The following WDR26 variants were observed in gnomAD, a reference collection of about 807,000 sequenced individuals.
The protein encoded by WDR26 is WD repeat-containing protein 26.
In WDR26, 5 loss-of-function variants were observed where a neutral mutation model predicts 84.1. That is an observed-to-expected ratio of 0.06 (90% CI 0.03 to 0.13). The LOEUF (loss-of-function observed/expected upper bound fraction) is 0.13, where lower values mean the gene tolerates loss of function less well. Among genes scored for constraint, WDR26 ranks in the 10% least tolerant of loss-of-function variants. The probability of loss-of-function intolerance (pLI) is 1.00; values close to 1 mark genes in which losing one functional copy is unlikely to be tolerated. For missense variants in WDR26, 642 were observed against 974.9 expected, an observed-to-expected ratio of 0.66 and a Z score of 4.55; for synonymous variants, 415 against 389.6, an observed-to-expected ratio of 1.07 and a Z score of -0.77.
At chr1:224,400,832 C>T in intron 9 of WDR26, 118 bp downstream of exon 9, 1 of 1,393,972 alleles carries the variant, frequency 7.2e-7, no homozygotes, top group Non-Finnish European at 9.5e-7. Context: ...AGGTGTGAGC[C>T]ACCATGCCTG....
intron 12 of WDR26, among the ~76,000 whole-genome samples, chr1:224,394,567 A>G (rs35972228): frequency 0.28 from 41,999 of 151,290 alleles, 7,155 homozygotes; most frequent in African/African-American, 0.47. Flanking sequence ...CGCAGTGGCA[A>G]TATCTCGGCT....
chr1:224,403,872 G>A (rs1673485363), intron 8 of WDR26, among the ~76,000 whole-genome samples: 1 of 152,156 alleles, frequency 6.6e-6, no homozygotes, highest in Admixed American at 6.5e-5. Context: ...AGGAGGTGGA[G>A]GCTGCAGTGA....
chr1:224,431,218 G>A (rs115078680), intron 3 of WDR26: 2 of 356,530 alleles, frequency 5.6e-6, no homozygotes, highest in African/African-American at 2.1e-5. Flanking sequence ...ACCTCTATTA[G>A]TAGCACTGAA....
chr1:224,422,953 T>C (rs1012198502), intron 4 of WDR26, among the ~76,000 whole-genome samples: 2 of 152,226 alleles, frequency 1.3e-5, no homozygotes, highest in Non-Finnish European at 2.9e-5. Flanking sequence ...TCTTGCGATA[T>C]ACTGGAAGTG....
At chr1:224,407,151 A>AAAAAAAAAAAAAAATAT in intron 7 of WDR26, among the ~76,000 whole-genome samples, 1 of 11,868 alleles carries the variant, frequency 8.4e-5, no homozygotes, top group Non-Finnish European at 1.4e-4. Flanking sequence ...AAAAAAAAAA[A>AAAAAAAAAAAAAAATAT]ATATATATAT....
At position 224,433,764 on chromosome 1, in the gene WDR26, G is replaced by A. The variant is rs1002417045; in HGVS notation, c.642C>T (p.Leu214=). 2.0e-6 allele frequency: 3 copies of A among 1,536,618 alleles called. No homozygotes were observed. The highest frequency in any genetic ancestry group is 1.2e-5 in the South Asian group (1 of 83,988). The change falls in exon 1 of 14, where the codon CTC becomes CTT. Residue 214 remains leucine, a synonymous_variant. Transcript: ENST00000414423. ...ACTGGGAGAGCCGCTTCTTCTTCTT[G>A]AGGCTGCTGCCCAGTTCTGGGGTGG...
Position 224,387,490 on chromosome 1 carries a change from T to C in WDR26, c.*2345A>G, listed in dbSNP as rs973396135. 2 of 152,554 alleles carry C rather than the reference T, an allele frequency of 1.3e-5. No individual in the cohort carries two copies. Among genetic ancestry groups the C allele is most frequent in the Non-Finnish European group, 2.9e-5 (2 of 68,010 alleles). 9.5% of individuals were successfully genotyped at this position (152,554 alleles called of 1,614,324 possible). A position where few individuals can be genotyped will look rare whatever the true frequency, so the allele number is the denominator to read the frequency against. On this transcript the variant is annotated 3_prime_UTR_variant, in exon 14 of 14. Transcript: ENST00000414423. ...TTGCATAGTTGTTACTCCGTTTTAA[T>C]AGGAGTTATGTTCTTGTAAAATGTG...
rs1224941768 is a variant in WDR26, at chr1:224,389,372, CAAA to C, written c.*460_*462del. Reference sequence around the variant, plus strand: ...AATAAGGCGGAAAGATTTGGAGAAACAAAAGAAGGAAATTCTTTCCTATCCAAT... The same window carrying C: ...AATAAGGCGGAAAGATTTGGAGAAACAGAAGGAAATTCTTTCCTATCCAAT... On this transcript the variant is annotated 3_prime_UTR_variant, in exon 14 of 14. Transcript: ENST00000414423. 1.4e-5 allele frequency: 4 copies of C among 289,058 alleles called. No individual in the cohort carries two copies. The highest frequency in any genetic ancestry group is 5.1e-5 in the Admixed American group (1 of 19,450). 17.9% of individuals were successfully genotyped at this position (289,058 alleles called of 1,614,324 possible). A position where few individuals can be genotyped will look rare whatever the true frequency, so the allele number is the denominator to read the frequency against.
intron 7 of WDR26, among the ~76,000 whole-genome samples, chr1:224,410,392 C>T (rs1673704126): frequency 6.6e-6 from 1 of 151,860 alleles, no homozygotes; most frequent in South Asian, 2.1e-4. Context: ...GTCATGTGCT[C>T]CTTTGATCAC....
chr1:224,391,822 C>T (rs1333073257), intron 13 of WDR26, among the ~76,000 whole-genome samples: 1 of 152,070 alleles, frequency 6.6e-6, no homozygotes, highest in Non-Finnish European at 1.5e-5. Context: ...CAGAAAATAA[C>T]TTGTGAAAAG....
intron 2 of WDR26, 24 bp from the exon 3 acceptor site, chr1:224,431,605 A>G (rs375561468): frequency 1.9e-6 from 3 of 1,611,856 alleles, no homozygotes; most frequent in South Asian, 1.1e-5. Flanking sequence ...TATAAAAGAA[A>G]AACAGAAATG....
chr1:224,430,590 T>C (rs1454853145), intron 3 of WDR26: 3 of 152,216 alleles, frequency 2.0e-5, no homozygotes, highest in South Asian at 2.1e-4. Context: ...CAAAATGTAA[T>C]AGTCATTTAC....
intron 3 of WDR26, chr1:224,430,362 T>C (rs1674356853): frequency 6.6e-6 from 1 of 152,104 alleles, no homozygotes; most frequent in Non-Finnish European, 1.5e-5. Flanking sequence ...ATAAAAATAA[T>C]ACACTACATC....
intron 3 of WDR26, 146 bp from the exon 4 acceptor site, chr1:224,424,800 T>C: frequency 3.1e-6 from 3 of 972,008 alleles, no homozygotes; most frequent in Non-Finnish European, 4.6e-6. Context: ...CAAAATATTT[T>C]AGTTTAGTAG....
In WDR26 at chr1:224,418,395, A is replaced by T; in HGVS notation, c.1184T>A (p.Met395Lys). 6.2e-7 allele frequency: 1 copy of T among 1,612,040 alleles called. No homozygotes were observed. The highest frequency in any genetic ancestry group is 8.5e-7 in the Non-Finnish European group (1 of 1,179,158). Residue 395 changes from methionine (M) to lysine (K), a missense_variant, in exon 6 of 14, where the codon ATG (methionine) becomes AAG (lysine). This residue lies in a region of WDR26 where 351 missense variants were observed against 672.8 expected (regional missense o/e 0.52). Transcript: ENST00000414423. Reference sequence around the variant, plus strand: ...AGTCTGTAAACGCCGTGGGGGAAGCATCACTGATGGTGGTAAATAGGCTTT... The same window carrying T: ...AGTCTGTAAACGCCGTGGGGGAAGCTTCACTGATGGTGGTAAATAGGCTTT...
intron 12 of WDR26, among the ~76,000 whole-genome samples, chr1:224,396,563 C>G (rs963802347): frequency 6.6e-6 from 1 of 152,194 alleles, no homozygotes; most frequent in Non-Finnish European, 1.5e-5. Context: ...GTGGAAAAAA[C>G]TAAATTTCCT....
intron 3 of WDR26, chr1:224,430,366 C>T (rs1216823050): frequency 6.6e-6 from 1 of 151,884 alleles, no homozygotes; most frequent in Admixed American, 6.6e-5. Flanking sequence ...AAATAATACA[C>T]TACATCATCA....
intron 12 of WDR26, among the ~76,000 whole-genome samples, chr1:224,397,524 T>C (rs1673298988): frequency 6.6e-6 from 1 of 152,218 alleles, no homozygotes; most frequent in Non-Finnish European, 1.5e-5. Flanking sequence ...CTGACACTTT[T>C]AGATTAGAGA....
At chr1:224,398,857 A>C (rs1673331629) in intron 10 of WDR26, 32 bp downstream of exon 10, 1 of 1,609,950 alleles carries the variant, frequency 6.2e-7, no homozygotes, top group African/African-American at 1.3e-5. Context: ...AAATCAGGTA[A>C]TTGTTGTTTA....
Sources: gnomAD v4.1 joint callset for allele counts (sites outside exome capture counted in the v4.1 genomes callset) on GRCh38, gnomAD v4.1.1 for gene constraint, gnomAD v4.1.1 regional missense constraint, MANE v1.5 for transcripts, NCBI Gene and HGNC (gene_info 2026-07-23, HGNC 2026-07-21) for gene names.